IFNGR1: variants seen among roughly 807,000 people sequenced by gnomAD.
IFNGR1 encodes the protein interferon gamma receptor 1.
A neutral mutation model predicts 35.4 loss-of-function variants in IFNGR1; 23 were observed. That is an observed-to-expected ratio of 0.65 (90% CI 0.47 to 0.92). The LOEUF is 0.92. IFNGR1 is among the 40% of genes least tolerant of loss of function. The pLI, the probability that IFNGR1 is intolerant of heterozygous loss-of-function variation, is 0.00. For missense variants in IFNGR1, 533 were observed against 583.4 expected, an observed-to-expected ratio of 0.91 and a Z score of 0.89; for synonymous variants, 199 against 209.5, an observed-to-expected ratio of 0.95 and a Z score of 0.43.
Position 137,203,579 on chromosome 6 carries a change from T to G in IFNGR1, c.653A>C (p.Glu218Ala), listed in dbSNP as rs889654179. Residue 218 changes from glutamate (E) to alanine (A), a missense_variant, in exon 5 of 7, where the codon GAA (glutamate) becomes GCA (alanine). Transcript: ENST00000367739. ...SLNSQYCVSA[E>A]GVLHVWGVTT... ...AACACCCCACACATGTAAGACTCCTTCTGCTGAAACACAGTACTGAGAATT... is the reference window on the plus strand; with the variant it reads ...AACACCCCACACATGTAAGACTCCTGCTGCTGAAACACAGTACTGAGAATT... 1.5e-5 allele frequency: 24 copies of G among 1,613,642 alleles called. No homozygotes were observed. The highest frequency in any genetic ancestry group is 1.9e-5 in the Non-Finnish European group (23 of 1,179,698).
intron 4 of IFNGR1, among the ~76,000 whole-genome samples, chr6:137,203,959 G>T (rs1213730081): frequency 6.6e-6 from 1 of 152,072 alleles, no homozygotes; most frequent in Non-Finnish European, 1.5e-5. Context: ...ATGTTCATTT[G>T]TCCTATTCAT....
intron 5 of IFNGR1, 104 bp downstream of exon 5, chr6:137,203,395 T>G: frequency 1.4e-6 from 1 of 736,948 alleles, no homozygotes; most frequent in Non-Finnish European, 2.5e-6. Flanking sequence ...ATGAATATTG[T>G]TAAAACAGAT....
In IFNGR1 at chr6:137,197,874, G is replaced by A; in HGVS notation, c.*157C>T. 1 of 909,612 alleles carries A rather than the reference G, an allele frequency of 1.1e-6. No individual in the cohort carries two copies. The highest frequency in any genetic ancestry group is 1.7e-6 in the Non-Finnish European group (1 of 603,210). The allele number at this position is 909,612 out of a possible 1,614,324, so 56.3% of individuals were successfully genotyped here. A position where few individuals can be genotyped will look rare whatever the true frequency, so the allele number is the denominator to read the frequency against. Reference sequence around the variant, plus strand: ...TACTTTACAAGCCAAAAGTGAAAATGCCACACATCCTCTTTACGCTTTCAT... The same window carrying A: ...TACTTTACAAGCCAAAAGTGAAAATACCACACATCCTCTTTACGCTTTCAT... On this transcript the variant is annotated 3_prime_UTR_variant, in exon 7 of 7. Coordinates refer to ENST00000367739, the MANE Select transcript of IFNGR1 (RefSeq NM_000416.3).
At chr6:137,215,400 T>A in intron 1 of IFNGR1, 1 of 1,403,002 alleles carries the variant, frequency 7.1e-7, no homozygotes, top group Non-Finnish European at 9.7e-7. Context: ...AACAATGCAT[T>A]AAAATGAATA....
Position 137,203,560 on chromosome 6 carries a change from C to T in IFNGR1, c.672G>A (p.Trp224Ter), listed in dbSNP as rs1160070099. Residue 224 changes from tryptophan to a stop codon, truncating the protein, a stop_gained, in exon 5 of 7, where the codon TGG becomes TGA. Coordinates refer to ENST00000367739, the MANE Select transcript of IFNGR1 (RefSeq NM_000416.3). LOFTEE classifies it high-confidence loss of function. ...CTTTTGACTTTTCAGTTGTAACACCCCACACATGTAAGACTCCTTCTGCTG... is the reference window on the plus strand; with the variant it reads ...CTTTTGACTTTTCAGTTGTAACACCTCACACATGTAAGACTCCTTCTGCTG... ...CVSAEGVLHV[W>*]GVTTEKSKEV... 1.2e-6 allele frequency: 2 copies of T among 1,613,356 alleles called. No individual in the cohort carries two copies. Among genetic ancestry groups the T allele is most frequent in the Non-Finnish European group, 1.7e-6 (2 of 1,179,550 alleles).
intron 1 of IFNGR1, among the ~76,000 whole-genome samples, chr6:137,214,385 G>A (rs147513091): frequency 1.2e-4 from 18 of 152,274 alleles, no homozygotes; most frequent in South Asian, 8.3e-4. Flanking sequence ...AACTTTCACC[G>A]TAGCAAGGAG....
chr6:137,204,501 T>G lies in IFNGR1; in HGVS notation c.377A>C (p.Lys126Thr), dbSNP rs1779381835. 3 of 1,612,512 alleles carry G rather than the reference T, an allele frequency of 1.9e-6. No homozygotes were observed. The highest frequency in any genetic ancestry group is 2.5e-6 in the Non-Finnish European group (3 of 1,178,686). Residue 126 changes from lysine to threonine, a missense_variant, in exon 4 of 7, where the codon AAA becomes ACA. Physicochemically the swap from Lys to Thr is moderately conservative, Grantham distance 78 (BLOSUM62 -1). Coordinates refer to ENST00000367739, the MANE Select transcript of IFNGR1 (RefSeq NM_000416.3). ...SEEFAVCRDG[K>T]IGPPKLDIRK... is the part of the protein sequence containing the mutation. Reference sequence around the variant, plus strand: ...GATATCCAGTTTAGGTGGTCCAATTTTTCCTGGGGAAGGAGGAGGAGGAAG... The same window carrying G: ...GATATCCAGTTTAGGTGGTCCAATTGTTCCTGGGGAAGGAGGAGGAGGAAG...
At chr6:137,215,257 G>A (rs1177613977) in intron 1 of IFNGR1, 1 of 1,546,076 alleles carries the variant, frequency 6.5e-7, no homozygotes, top group African/African-American at 1.4e-5. Flanking sequence ...TAAAATAAGG[G>A]GTAAATTACC....
intron 6 of IFNGR1, among the ~76,000 whole-genome samples, chr6:137,199,519 AT>A (rs1582629690): frequency 3.0e-5 from 3 of 99,724 alleles, no homozygotes; most frequent in Non-Finnish European, 5.5e-5. Context: ...TTTATAATAT[AT>A]TATATATAAT....
intron 1 of IFNGR1, among the ~76,000 whole-genome samples, chr6:137,211,490 C>T (rs962517181): frequency 2.6e-5 from 4 of 152,168 alleles, no homozygotes; most frequent in Non-Finnish European, 5.9e-5. Context: ...ATACTTCATA[C>T]TACTAACTTG....
intron 1 of IFNGR1, among the ~76,000 whole-genome samples, chr6:137,216,128 G>A (rs1779692101): frequency 6.6e-6 from 1 of 152,202 alleles, no homozygotes; most frequent in Non-Finnish European, 1.5e-5. Context: ...GTATTATCCT[G>A]TGTATTTTGA....
In IFNGR1 at chr6:137,204,372, A is replaced by C; in HGVS notation, c.506T>G (p.Ile169Ser). 1 of 1,613,826 alleles carries C rather than the reference A, an allele frequency of 6.2e-7. No individual in the cohort carries two copies. The highest frequency in any genetic ancestry group is 1.1e-5 in the South Asian group (1 of 91,078). Residue 169 changes from isoleucine to serine, a missense_variant, in exon 4 of 7, where the codon ATT becomes AGT. Coordinates refer to ENST00000367739, the MANE Select transcript of IFNGR1 (RefSeq NM_000416.3). ...TCTCACATACACATTGTACACCCTAATGTAACAGGTAGTTTCGGGATCATA... is the reference window on the plus strand; with the variant it reads ...TCTCACATACACATTGTACACCCTACTGTAACAGGTAGTTTCGGGATCATA... ...VDYDPETTCY[I>S]RVYNVYVRMN...
intron 6 of IFNGR1, among the ~76,000 whole-genome samples, chr6:137,199,509 T>C (rs1164072948): frequency 9.9e-6 from 1 of 101,016 alleles, no homozygotes; most frequent in Non-Finnish European, 1.8e-5. Context: ...AAATATATAA[T>C]TTATAATATA....
chr6:137,211,643 G>A (rs1358593283), intron 1 of IFNGR1, among the ~76,000 whole-genome samples: 6 of 152,178 alleles, frequency 3.9e-5, no homozygotes, highest in Non-Finnish European at 8.8e-5. Flanking sequence ...TCTTGCCAGA[G>A]TAGCCTTGGC....
chr6:137,215,131 A>T, intron 1 of IFNGR1: 1 of 1,085,144 alleles, frequency 9.2e-7, no homozygotes, highest in Non-Finnish European at 1.3e-6. Flanking sequence ...ATGTTACCAT[A>T]CATATTTTAC....
chr6:137,219,003 G>A, intron 1 of IFNGR1: 4 of 586,616 alleles, frequency 6.8e-6, no homozygotes, highest in Non-Finnish European at 3.0e-6. Context: ...AAAAACAAGC[G>A]GCGTGATTTG....
In IFNGR1 at chr6:137,208,112, C is replaced by T. The variant is rs150141483; in HGVS notation, c.86-1035G>A. 2.2e-3 allele frequency among the ~76,000 whole-genome samples: 331 copies of T among 152,246 alleles called. 2 individuals are homozygous for T. Among genetic ancestry groups the T allele is most frequent in the African/African-American group, 7.0e-3 (292 of 41,556 alleles). On this transcript the variant is annotated intron_variant, in intron 1 of 6. Transcript: ENST00000367739. ...GACTGGCGGCATTTTGCCCCTGCCC[C>T]AGAGATTTGTGGAACTCTGAACTTG... is the stretch of plus-strand genomic sequence containing the variant.
At chr6:137,217,624 G>C (rs150124458) in intron 1 of IFNGR1, among the ~76,000 whole-genome samples, 20 of 152,300 alleles carry the variant, frequency 1.3e-4, no homozygotes, top group African/African-American at 4.6e-4. Context: ...AATAAGAAAT[G>C]GAGAGTCCTA....
rs769859940 is a variant in IFNGR1, at chr6:137,197,817, GCTTT to G, written c.*210_*213del. On this transcript the variant is annotated 3_prime_UTR_variant, in exon 7 of 7. Transcript: ENST00000367739. Reference sequence around the variant, plus strand: ...GATGTAAAGGTTCATAAGTTACAATGCTTTTTTTGTTTAAAAAAAAAAAAAAGTC... The same window carrying G: ...GATGTAAAGGTTCATAAGTTACAATGTTTTGTTTAAAAAAAAAAAAAAGTC... 68 of 537,192 alleles carry G rather than the reference GCTTT, an allele frequency of 1.3e-4. No individual in the cohort carries two copies. The highest frequency in any genetic ancestry group is 2.1e-4 in the Non-Finnish European group (66 of 308,924). The allele number at this position is 537,192 out of a possible 1,614,324, so 33.3% of individuals were successfully genotyped here. A position where few individuals can be genotyped will look rare whatever the true frequency, so the allele number is the denominator to read the frequency against.
Sources: gnomAD v4.1 joint callset for allele counts (sites outside exome capture counted in the v4.1 genomes callset) on GRCh38, gnomAD v4.1.1 for gene constraint, MANE v1.5 for transcripts, NCBI Gene and HGNC (gene_info 2026-07-23, HGNC 2026-07-21) for gene names.